The following TEX36 variants were observed in gnomAD, a reference collection of about 807,000 sequenced individuals.
The protein encoded by TEX36 is testis-expressed protein 36.
Under a neutral mutation model 13.6 loss-of-function variants are expected in TEX36, and 12 were observed. The observed-to-expected ratio is 0.88, with a 90% CI of 0.56 to 1.43. The LOEUF is 1.43. TEX36 is among the 40% of genes most tolerant of loss of function. The pLI, the probability that TEX36 is intolerant of heterozygous loss-of-function variation, is 0.00. For missense variants in TEX36, 224 were observed against 228.3 expected (o/e 0.98, Z 0.12); for synonymous variants, 93 against 83.0 (o/e 1.12, Z -0.65).
intron 3 of TEX36, among the ~76,000 whole-genome samples, chr10:125,584,910 T>C (rs1227276515): frequency 6.6e-6 from 1 of 152,220 alleles, no homozygotes; most frequent in Non-Finnish European, 1.5e-5. Flanking sequence ...ACATCTGCTG[T>C]TTCATGGACC....
intron 1 of TEX36, chr10:125,667,651 G>A (rs1204922252): frequency 7.0e-6 from 5 of 719,332 alleles, no homozygotes; most frequent in Non-Finnish European, 1.3e-5. Flanking sequence ...CACCACCCTT[G>A]GACATGACAA....
At chr10:125,590,830 T>C (rs1846012826) in intron 3 of TEX36, among the ~76,000 whole-genome samples, 1 of 152,234 alleles carries the variant, frequency 6.6e-6, no homozygotes, top group East Asian at 1.9e-4. Flanking sequence ...AGAGAGATTC[T>C]ATATATAGAT....
At chr10:125,656,315 G>A (rs1450751906) in intron 3 of TEX36, 119 bp from the exon 4 acceptor site, 2 of 966,866 alleles carry the variant, frequency 2.1e-6, no homozygotes, top group Non-Finnish European at 2.8e-6. Context: ...AGAGTTCAGT[G>A]GCACGATCTC....
intron 1 of TEX36, among the ~76,000 whole-genome samples, chr10:125,679,763 T>G (rs1847366967): frequency 6.6e-6 from 1 of 152,244 alleles, no homozygotes. Flanking sequence ...GAAGTGTGAC[T>G]GCCTGTACAC....
At chr10:125,663,483 C>T (rs529105297) in intron 1 of TEX36, among the ~76,000 whole-genome samples, 1 of 152,140 alleles carries the variant, frequency 6.6e-6, no homozygotes, top group Non-Finnish European at 1.5e-5. Flanking sequence ...TACTATTTTC[C>T]ATAGTGGCTC....
chr10:125,596,233 A>T (rs1159458615), intron 3 of TEX36, among the ~76,000 whole-genome samples: 1 of 152,198 alleles, frequency 6.6e-6, no homozygotes, highest in African/African-American at 2.4e-5. Flanking sequence ...ATATGTTGAC[A>T]TCTGGATGTT....
Position 125,655,973 on chromosome 10 carries a change from G to A in TEX36, c.488C>T (p.Thr163Ile). Residue 163 changes from threonine to isoleucine, a missense_variant, in exon 4 of 4, where the codon ACA becomes ATA. Coordinates refer to ENST00000368821, the MANE Select transcript of TEX36 (RefSeq NM_001128202.3). ...AFTFLPERSY[T>I]EVLKKKPKVR... ...TTTGGGCTTCTTTTTCAAAACCTCT[G>A]TATAGCTTCTCTCAGGAAGAAATGT... The A allele has an allele frequency of 6.4e-7, 1 of 1,551,574 alleles. No individual in the cohort carries two copies. Among genetic ancestry groups the A allele is most frequent in the Non-Finnish European group, 8.7e-7 (1 of 1,146,934 alleles).
Position 125,661,006 on chromosome 10 carries a change from G to C in TEX36, c.264+15C>G. On this transcript the variant is annotated intron_variant, in intron 3 of 3. Coordinates refer to ENST00000368821, the MANE Select transcript of TEX36 (RefSeq NM_001128202.3). ...TGTTCCCTGTTTTATTAATAATTTG[G>C]AAAGAAATACTCACGGAGTCAAGGT... 6.5e-7 allele frequency: 1 copy of C among 1,546,164 alleles called. No individual in the cohort carries two copies. Among genetic ancestry groups the C allele is most frequent in the Non-Finnish European group, 8.8e-7 (1 of 1,141,950 alleles).
At chr10:125,583,213 G>A (rs545749028) in intron 3 of TEX36, among the ~76,000 whole-genome samples, 179 of 152,286 alleles carry the variant, frequency 1.2e-3, no homozygotes, top group Admixed American at 2.2e-3. Flanking sequence ...ATTTGAACGG[G>A]TGGAGAGGAA....
intron 1 of TEX36, among the ~76,000 whole-genome samples, chr10:125,673,582 T>C (rs1465055974): frequency 6.6e-6 from 1 of 151,776 alleles, no homozygotes; most frequent in Non-Finnish European, 1.5e-5. Flanking sequence ...TCGTGTCAGG[T>C]GCCTGTAATC....
At chr10:125,661,491 G>A (rs925865932) in intron 2 of TEX36, among the ~76,000 whole-genome samples, 27 of 152,188 alleles carry the variant, frequency 1.8e-4, no homozygotes, top group African/African-American at 6.0e-4. Context: ...AGGCCTGGGG[G>A]GAACCCTGGC....
chr10:125,678,597 A>C (rs1312686158), intron 1 of TEX36, among the ~76,000 whole-genome samples: 1 of 151,924 alleles, frequency 6.6e-6, no homozygotes, highest in Non-Finnish European at 1.5e-5. Flanking sequence ...GGCATGGGTG[A>C]TGGCAGTAGC....
In TEX36 at chr10:125,655,952, G is replaced by C. The variant is rs1489202374; in HGVS notation, c.509C>G (p.Pro170Arg). 13 of 1,548,298 alleles carry C rather than the reference G, an allele frequency of 8.4e-6. No homozygotes were observed. Among genetic ancestry groups the C allele is most frequent in the Non-Finnish European group, 1.1e-5 (13 of 1,145,248 alleles). ...RSYTEVLKKK[P>R]KVRFTVDKKV... ...TTTGTCAACAGTGAACCTTACTTTG[G>C]GCTTCTTTTTCAAAACCTCTGTATA... Residue 170 changes from proline (P) to arginine (R), a missense_variant, in exon 4 of 4, where the codon CCC becomes CGC. By Grantham distance (103) the Pro-to-Arg change is moderately radical. Coordinates refer to ENST00000368821, the MANE Select transcript of TEX36 (RefSeq NM_001128202.3).
intron 1 of TEX36, among the ~76,000 whole-genome samples, chr10:125,676,536 A>T (rs2133612666): frequency 6.6e-6 from 1 of 152,098 alleles, no homozygotes; most frequent in Admixed American, 6.5e-5. Flanking sequence ...TAAGCAGCAT[A>T]TAGTTGGATC....
At chr10:125,664,604 G>A (rs977425331) in intron 1 of TEX36, among the ~76,000 whole-genome samples, 14 of 152,144 alleles carry the variant, frequency 9.2e-5, no homozygotes, top group Non-Finnish European at 2.9e-5. Context: ...TGGTTTAAAA[G>A]TGTGGCACAT....
chr10:125,659,958 T>C (rs563330033), intron 3 of TEX36, among the ~76,000 whole-genome samples: 10 of 152,176 alleles, frequency 6.6e-5, no homozygotes, highest in Non-Finnish European at 1.3e-4. Flanking sequence ...CATGTAGCCA[T>C]TGGGCACTTG....
At chr10:125,648,444 G>A (rs1846805610) in intron 3 of TEX36, among the ~76,000 whole-genome samples, 1 of 152,206 alleles carries the variant, frequency 6.6e-6, no homozygotes, top group Admixed American at 6.5e-5. Context: ...TGAGGGTCCT[G>A]ACTGTTAGAA....
chr10:125,581,497 A>C (rs1450028977), intron 3 of TEX36, among the ~76,000 whole-genome samples: 8 of 151,990 alleles, frequency 5.3e-5, no homozygotes, highest in African/African-American at 1.9e-4. Context: ...TTCCTGTCCC[A>C]CTTTTCCCCC....
downstream of TEX36, among the ~76,000 whole-genome samples, chr10:125,654,879 T>C (rs914834163): frequency 5.3e-5 from 8 of 152,180 alleles, no homozygotes; most frequent in African/African-American, 1.9e-4. Context: ...ACTTTGTGCA[T>C]TACTGTCAAC....
Sources: allele counts gnomAD v4.1 joint callset (sites outside exome capture counted in the v4.1 genomes callset), GRCh38; gene constraint gnomAD v4.1.1; transcripts MANE v1.5; gene names NCBI Gene and HGNC (gene_info 2026-07-23, HGNC 2026-07-21).